ZNF705A: variants seen among roughly 807,000 people sequenced by gnomAD.
ZNF705A encodes zinc finger protein 705A.
In ZNF705A, 8 loss-of-function variants were observed where a neutral mutation model predicts 16.6. The observed-to-expected ratio is 0.48, with a 90% CI of 0.28 to 0.87. ZNF705A has a LOEUF of 0.87. Ranked by LOEUF, ZNF705A falls within the 40% of genes least tolerant of loss-of-function variation. ZNF705A has a pLI of 0.10. For synonymous variants in ZNF705A, 73 were observed against 117.3 expected, an observed-to-expected ratio of 0.62 and a Z score of 2.44; for missense variants, 233 against 359.9, an observed-to-expected ratio of 0.65 and a Z score of 2.85.
intron 1 of ZNF705A, among the ~76,000 whole-genome samples, chr12:8,166,343 G>A (rs768968637): frequency 5.1e-4 from 77 of 152,224 alleles, no homozygotes; most frequent in South Asian, 3.3e-3. Flanking sequence ...CTGTGTCCCC[G>A]CCCAAATCTC....
exon 4 of ZNF705A, chr12:8,175,873 C>G (rs774719475): frequency 2.5e-5 from 40 of 1,611,298 alleles, no homozygotes; most frequent in Non-Finnish European, 3.4e-5. Flanking sequence ...GGGAAAGTGC[C>G]CTTAAGAAAA....
At chr12:8,161,296 A>G (rs183559024) in intron 1 of ZNF705A, among the ~76,000 whole-genome samples, 8 of 152,164 alleles carry the variant, frequency 5.3e-5, no homozygotes, top group African/African-American at 1.9e-4. Flanking sequence ...TGGTATTGGT[A>G]TTAGGGTGGT....
At chr12:8,173,034 T>A (rs1422207375) in intron 1 of ZNF705A, among the ~76,000 whole-genome samples, 1 of 152,248 alleles carries the variant, frequency 6.6e-6, no homozygotes. Flanking sequence ...TACTGTTGGC[T>A]GAAATAGACT....
upstream of ZNF705A, among the ~76,000 whole-genome samples, chr12:8,169,079 T>G (rs1167809239): frequency 6.6e-6 from 1 of 152,224 alleles, no homozygotes; most frequent in Non-Finnish European, 1.5e-5. Flanking sequence ...TTAGATTCTG[T>G]CTTCTATTGC....
upstream of ZNF705A, among the ~76,000 whole-genome samples, chr12:8,171,601 T>G (rs1948445966): frequency 6.6e-6 from 1 of 152,218 alleles, no homozygotes; most frequent in Non-Finnish European, 1.5e-5. Context: ...TGTGACTGTA[T>G]GCACAGGACA....
At chr12:8,178,821 G>A (rs917747155) in exon 5 of ZNF705A, 8 of 152,182 alleles carry the variant, frequency 5.3e-5, no homozygotes, top group Admixed American at 1.3e-4. Context: ...AAATCGATTT[G>A]CATCTGCACT....
At chr12:8,175,601 C>T (rs1374873532) in intron 3 of ZNF705A, among the ~76,000 whole-genome samples, 1 of 152,060 alleles carries the variant, frequency 6.6e-6, no homozygotes, top group Non-Finnish European at 1.5e-5. Flanking sequence ...TTCCCTGATA[C>T]CCCTGTGAAG....
Position 8,176,968 on chromosome 12 carries a change from C to T in ZNF705A, c.319-31C>T. The T allele has an allele frequency of 1.9e-6, 3 of 1,590,326 alleles. No individual in the cohort carries two copies. In the South Asian group the frequency reaches 3.3e-5, roughly 18 times the overall value. ...GAATGTATAGATATATGTGGGTAAA[C>T]CATTAAGAGCTTTTAATCTTTGTCC... is the stretch of plus-strand genomic sequence containing the variant. On this transcript the variant is annotated intron_variant, in intron 4 of 4. Transcript: ENST00000359286.
At chr12:8,162,771 C>T (rs1948367076) in intron 1 of ZNF705A, among the ~76,000 whole-genome samples, 1 of 152,196 alleles carries the variant, frequency 6.6e-6, no homozygotes, top group South Asian at 2.1e-4. Flanking sequence ...GAGATACTGT[C>T]ACAGTTGGTT....
upstream of ZNF705A, among the ~76,000 whole-genome samples, chr12:8,171,926 G>C (rs759096266): frequency 1.3e-5 from 2 of 152,110 alleles, no homozygotes; most frequent in African/African-American, 4.8e-5. Context: ...CAGTAAAGAC[G>C]GGGTTTCACC....
Position 8,175,474 on chromosome 12 carries a change from C to T in ZNF705A, c.235+151C>T, listed in dbSNP as rs1948478269. On this transcript the variant is annotated intron_variant, in intron 3 of 4. Coordinates refer to ENST00000359286, the Ensembl canonical transcript of ZNF705A. ...AGCAGAATTCCTTAGATGTTATTGT[C>T]ATTTTGTTCATGTGTCAGATGCTAC... is the stretch of plus-strand genomic sequence containing the variant. 1.3e-5 allele frequency: 17 copies of T among 1,271,496 alleles called. No individual in the cohort carries two copies. The South Asian group carries it at 2.3e-4, about 17-fold the overall frequency. The allele number at this position is 1,271,496 out of a possible 1,614,324, so 78.8% of individuals were successfully genotyped here.
At chr12:8,169,832 A>G (rs1948430049), upstream of ZNF705A, among the ~76,000 whole-genome samples, 1 of 152,164 alleles carries the variant, frequency 6.6e-6, no homozygotes, top group Non-Finnish European at 1.5e-5. Flanking sequence ...CTTAATTTTT[A>G]CAGTTGCCGT....
At chr12:8,179,387 G>A (rs1948513587) in exon 5 of ZNF705A, 1 of 152,194 alleles carries the variant, frequency 6.6e-6, no homozygotes, top group Non-Finnish European at 1.5e-5. Flanking sequence ...TTTTCCCGAA[G>A]CAAAATGAAA....
exon 5 of ZNF705A, chr12:8,177,173 A>G (rs1948491793): frequency 6.2e-7 from 1 of 1,611,908 alleles, no homozygotes; most frequent in Non-Finnish European, 8.5e-7. Context: ...ACATAAACAA[A>G]TTCATACTAA....
exon 5 of ZNF705A, chr12:8,177,109 C>G (rs142122782): frequency 6.2e-6 from 10 of 1,611,854 alleles, no homozygotes; most frequent in Non-Finnish European, 7.6e-6. Context: ...GAAAGAAACC[C>G]TATGTCAGCA....
At chr12:8,159,970 G>C (rs1948340400) in intron 1 of ZNF705A, among the ~76,000 whole-genome samples, 1 of 152,138 alleles carries the variant, frequency 6.6e-6, no homozygotes, top group African/African-American at 2.4e-5. Flanking sequence ...TTAGGTTTAA[G>C]TCTGTAATCC....
intron 1 of ZNF705A, among the ~76,000 whole-genome samples, chr12:8,161,883 C>T (rs914757326): frequency 6.6e-6 from 1 of 152,174 alleles, no homozygotes; most frequent in African/African-American, 2.4e-5. Context: ...GCGGCAACTG[C>T]TTTGCTTACA....
Position 8,165,250 on chromosome 12 carries a change from T to C in ZNF705A, c.-71-7305T>C, listed in dbSNP as rs368599327. Among the ~76,000 whole-genome samples, 30 of 151,588 alleles carry C rather than the reference T, an allele frequency of 2.0e-4. No individual in the cohort carries two copies. In the East Asian group the frequency reaches 3.7e-3, roughly 19 times the overall value. On this transcript the variant is annotated intron_variant, in intron 1 of 5. Coordinates refer to the ZNF705A transcript ENST00000396570. ...TGTTGGCCATTTGTATCCGTTCTTCTGGGAAATGTCTACTCAGATCTTTGC... is the reference window on the plus strand; with the variant it reads ...TGTTGGCCATTTGTATCCGTTCTTCCGGGAAATGTCTACTCAGATCTTTGC...
intron 1 of ZNF705A, among the ~76,000 whole-genome samples, chr12:8,163,932 A>G (rs1701493017): frequency 6.6e-6 from 1 of 152,192 alleles, no homozygotes; most frequent in African/African-American, 2.4e-5. Context: ...TTGTTGAGCT[A>G]TGATGACATT....
Sources: gnomAD v4.1 joint callset for allele counts (sites outside exome capture counted in the v4.1 genomes callset) on GRCh38, gnomAD v4.1.1 for gene constraint, MANE v1.5 for transcripts, NCBI Gene and HGNC (gene_info 2026-07-23, HGNC 2026-07-21) for gene names.